XRRA1: variants seen among roughly 807,000 people sequenced by gnomAD.
XRRA1 encodes X-ray radiation resistance associated 1.
XRRA1 carries 69 observed loss-of-function variants against 80.2 expected under a neutral mutation model. The ratio of observed to expected loss-of-function variants is 0.86; its 90% CI spans 0.71 to 1.05. The LOEUF is 1.05. Among genes scored for constraint, XRRA1 ranks in the 50% least tolerant of loss-of-function variants. The pLI, the probability that XRRA1 is intolerant of heterozygous loss-of-function variation, is 0.00. For synonymous variants in XRRA1, 348 were observed against 389.9 expected (o/e 0.89, Z 1.27); for missense variants, 967 against 976.4 (o/e 0.99, Z 0.13).
chr11:74,870,956 G>T (rs2044640229), intron 10 of XRRA1, among the ~76,000 whole-genome samples: 1 of 152,136 alleles, frequency 6.6e-6, no homozygotes, highest in Admixed American at 6.5e-5. Context: ...AATAGTAAGG[G>T]GATGTAATGT....
At position 74,848,098 on chromosome 11, in the gene XRRA1, C is replaced by A; in HGVS notation, c.1728+17G>T. 1 of 1,595,100 alleles carries A rather than the reference C, an allele frequency of 6.3e-7. No individual in the cohort carries two copies. Among genetic ancestry groups the A allele is most frequent in the Non-Finnish European group, 8.5e-7 (1 of 1,173,182 alleles). ...GGAGCTAGCAACAAGTGGGCAGGGGCAGCTGGATACAGGTACCTGGGTCAG... is the reference window on the plus strand; with the variant it reads ...GGAGCTAGCAACAAGTGGGCAGGGGAAGCTGGATACAGGTACCTGGGTCAG... On this transcript the variant is annotated intron_variant, in intron 15 of 18. Transcript: ENST00000684022.
intron 10 of XRRA1, among the ~76,000 whole-genome samples, chr11:74,878,838 C>T (rs1170095517): frequency 1.3e-5 from 2 of 151,720 alleles, no homozygotes; most frequent in Non-Finnish European, 2.9e-5. Context: ...TGTTTTGGTA[C>T]CAGTACCATG....
chr11:74,881,990 A>T (rs1273768493), intron 10 of XRRA1, among the ~76,000 whole-genome samples: 11 of 143,924 alleles, frequency 7.6e-5, no homozygotes, highest in Non-Finnish European at 9.1e-5. Context: ...TGTGTCTTGG[A>T]GTTGCTCTTC....
rs191208029 is a variant in XRRA1, at chr11:74,897,471, C to G, written c.1003+8768G>C. ...CAAATGGATAATATCAGAGAACTTCCCAAACCTAGAGAAAGATACCAACAT... is the reference window on the plus strand; with the variant it reads ...CAAATGGATAATATCAGAGAACTTCGCAAACCTAGAGAAAGATACCAACAT... On this transcript the variant is annotated intron_variant, in intron 10 of 18. Coordinates refer to ENST00000684022, the MANE Select transcript of XRRA1 (RefSeq NM_001378157.1). Among the ~76,000 whole-genome samples the G allele has an allele frequency of 2.8e-4, 42 of 151,810 alleles. 1 individual carries two copies. Among genetic ancestry groups the G allele is most frequent in the Middle Eastern group, 3.4e-3 (1 of 294 alleles).
At chr11:74,946,712 C>G (rs564313935) in intron 1 of XRRA1, among the ~76,000 whole-genome samples, 1 of 152,056 alleles carries the variant, frequency 6.6e-6, no homozygotes, top group East Asian at 1.9e-4. Context: ...CTGTGAGTAT[C>G]TCCAAGGTCA....
At chr11:74,845,052 C>G (rs987642873) in intron 16 of XRRA1, 21 bp downstream of exon 16, 1 of 1,609,968 alleles carries the variant, frequency 6.2e-7, no homozygotes, top group Admixed American at 1.7e-5. Context: ...TGCCCTAGAG[C>G]AAGGATATGC....
At chr11:74,851,388 T>C (rs906372271) in intron 13 of XRRA1, among the ~76,000 whole-genome samples, 185 bp from the exon 14 acceptor site, 4 of 152,142 alleles carry the variant, frequency 2.6e-5, no homozygotes, top group African/African-American at 4.8e-5. Context: ...TCCCATTCAA[T>C]AGGCAAGGAA....
intron 10 of XRRA1, among the ~76,000 whole-genome samples, chr11:74,875,311 G>GA (rs559637984): frequency 2.5e-4 from 38 of 152,140 alleles, no homozygotes; most frequent in African/African-American, 8.4e-4. Context: ...TCTAATCTGG[G>GA]AAGGCTCCAT....
At chr11:74,900,836 CAT>C (rs1181765579) in intron 10 of XRRA1, among the ~76,000 whole-genome samples, 3 of 152,152 alleles carry the variant, frequency 2.0e-5, no homozygotes, top group Non-Finnish European at 4.4e-5. Flanking sequence ...ATGACAGACA[CAT>C]AGTTAGTATC....
chr11:74,891,776 C>A (rs938940629), intron 10 of XRRA1, among the ~76,000 whole-genome samples: 56 of 152,148 alleles, frequency 3.7e-4, no homozygotes, highest in African/African-American at 1.3e-3. Context: ...AAACAGAGAG[C>A]CAAATCATGA....
chr11:74,873,663 G>A (rs191630841), intron 10 of XRRA1, among the ~76,000 whole-genome samples: 1 of 152,286 alleles, frequency 6.6e-6, no homozygotes, highest in Non-Finnish European at 1.5e-5. Flanking sequence ...CCCCAACTGA[G>A]GAAGCATCTC....
intron 10 of XRRA1, among the ~76,000 whole-genome samples, chr11:74,868,539 C>G (rs2043998279): frequency 6.6e-6 from 1 of 152,060 alleles, no homozygotes; most frequent in Non-Finnish European, 1.5e-5. Flanking sequence ...AGCTAAATGG[C>G]ACAGAGTGAT....
At chr11:74,867,917 C>CTTT (rs60520990) in intron 10 of XRRA1, among the ~76,000 whole-genome samples, 10,109 of 106,560 alleles carry the variant, frequency 0.095, 929 homozygotes, top group African/African-American at 0.16. Flanking sequence ...TATAGTCAAT[C>CTTT]TTTTTTTTTT....
intron 10 of XRRA1, among the ~76,000 whole-genome samples, chr11:74,864,757 CCT>C (rs969212667): frequency 3.9e-5 from 6 of 152,342 alleles, no homozygotes; most frequent in African/African-American, 1.2e-4. Context: ...TGATCCACCC[CCT>C]CTCAGCTGAG....
At chr11:74,933,605 A>C in intron 5 of XRRA1, 196 bp downstream of exon 5, 1 of 555,552 alleles carries the variant, frequency 1.8e-6, no homozygotes, top group South Asian at 2.3e-5. Flanking sequence ...GGGCAATATA[A>C]AATTTGTAGC....
At chr11:74,883,845 A>G (rs1005499422) in intron 10 of XRRA1, among the ~76,000 whole-genome samples, 4 of 152,222 alleles carry the variant, frequency 2.6e-5, no homozygotes, top group African/African-American at 7.2e-5. Flanking sequence ...TAAGGCAGAT[A>G]GTGAGGGTAA....
chr11:74,944,142 T>A (rs1200657095), intron 2 of XRRA1, among the ~76,000 whole-genome samples: 3 of 152,218 alleles, frequency 2.0e-5, no homozygotes, highest in African/African-American at 7.2e-5. Flanking sequence ...TTCATCAGTA[T>A]TTCTTTCGTG....
At chr11:74,914,026 C>T (rs1013414159) in intron 8 of XRRA1, among the ~76,000 whole-genome samples, 14 of 152,000 alleles carry the variant, frequency 9.2e-5, no homozygotes, top group African/African-American at 3.4e-4. Context: ...ACTCTGTCGC[C>T]TGGGGTTGGA....
At chr11:74,893,958 G>A (rs372542589) in intron 10 of XRRA1, among the ~76,000 whole-genome samples, 4 of 152,258 alleles carry the variant, frequency 2.6e-5, no homozygotes, top group East Asian at 1.9e-4. Flanking sequence ...TATGTTCACC[G>A]CAGCACTATT....
Sources: allele counts gnomAD v4.1 joint callset (sites outside exome capture counted in the v4.1 genomes callset), GRCh38; gene constraint gnomAD v4.1.1; transcripts MANE v1.5; gene names NCBI Gene and HGNC (gene_info 2026-07-23, HGNC 2026-07-21).